Variants in RFTN2 observed in about 807,000 individuals in gnomAD.
The protein encoded by RFTN2 is raftlin family member 2.
A neutral mutation model predicts 52.7 loss-of-function variants in RFTN2; 34 were observed. The observed-to-expected ratio is 0.64, with a 90% CI of 0.49 to 0.86. RFTN2 has a LOEUF of 0.86. RFTN2 is among the 40% of genes least tolerant of loss of function. RFTN2 has a pLI of 0.00. For missense variants in RFTN2, 536 were observed against 600.1 expected, an observed-to-expected ratio of 0.89 and a Z score of 1.12; for synonymous variants, 203 against 217.7, an observed-to-expected ratio of 0.93 and a Z score of 0.59.
At chr2:197,641,232 C>G (rs2088668583) in intron 3 of RFTN2, among the ~76,000 whole-genome samples, 3 of 152,222 alleles carry the variant, frequency 2.0e-5, no homozygotes, top group South Asian at 4.1e-4. Flanking sequence ...TTAATTCACT[C>G]AGCTCCAGCT....
At chr2:197,654,167 C>T (rs956365014) in intron 1 of RFTN2, among the ~76,000 whole-genome samples, 1 of 152,058 alleles carries the variant, frequency 6.6e-6, no homozygotes, top group African/African-American at 2.4e-5. Context: ...GTGGGCGGAT[C>T]ACTTGAGGCC....
chr2:197,616,162 G>A (rs1478944847), intron 6 of RFTN2, among the ~76,000 whole-genome samples, 183 bp from the exon 7 acceptor site: 1 of 152,114 alleles, frequency 6.6e-6, no homozygotes, highest in Non-Finnish European at 1.5e-5. Flanking sequence ...CACTAGTAAT[G>A]GAGAGAGGTT....
At chr2:197,618,814 C>T (rs1274441017) in intron 5 of RFTN2, among the ~76,000 whole-genome samples, 9 of 148,884 alleles carry the variant, frequency 6.0e-5, no homozygotes, top group African/African-American at 2.0e-4. Flanking sequence ...GCCTGGCAAC[C>T]GCCCCGTCTG....
At chr2:197,621,721 C>T (rs901746090) in intron 5 of RFTN2, among the ~76,000 whole-genome samples, 3 of 152,000 alleles carry the variant, frequency 2.0e-5, no homozygotes, top group Non-Finnish European at 2.9e-5. Flanking sequence ...TCCCTCTTCT[C>T]GAGGCCCCCA....
chr2:197,657,048 A>G (rs1480322773), intron 1 of RFTN2, among the ~76,000 whole-genome samples: 4 of 151,984 alleles, frequency 2.6e-5, no homozygotes, highest in Non-Finnish European at 4.4e-5. Flanking sequence ...TTTTTTTGGT[A>G]GAGATGGGGT....
chr2:197,589,145 T>C (rs188790672), intron 8 of RFTN2, among the ~76,000 whole-genome samples: 2 of 131,430 alleles, frequency 1.5e-5, no homozygotes, highest in East Asian at 4.8e-4. Flanking sequence ...TTGCTTGAAC[T>C]GGAGAGGCGG....
chr2:197,617,353 T>A (rs911954133), intron 6 of RFTN2, among the ~76,000 whole-genome samples: 1 of 152,190 alleles, frequency 6.6e-6, no homozygotes, highest in African/African-American at 2.4e-5. Context: ...CAAATTACCT[T>A]TTCACAAATC....
chr2:197,582,191 ACT>A (rs2087521659), intron 8 of RFTN2, among the ~76,000 whole-genome samples: 1 of 151,732 alleles, frequency 6.6e-6, no homozygotes, highest in South Asian at 2.1e-4. Context: ...TGCTCAACTC[ACT>A]CTCTACAGTT....
chr2:197,568,705 G>C lies in RFTN2; in HGVS notation c.*3303C>G, dbSNP rs1235148584. 1 of 152,134 alleles carries C rather than the reference G, an allele frequency of 6.6e-6. No homozygotes were observed. The highest frequency in any genetic ancestry group is 1.5e-5 in the Non-Finnish European group (1 of 68,006). 9.4% of individuals were successfully genotyped at this position (152,134 alleles called of 1,614,324 possible). ...CAGTACTACTCTGGGGCTCTGAAGA[G>C]TTAAGAGAAAGAAATCCTCTTTAGC... On this transcript the variant is annotated 3_prime_UTR_variant, in exon 9 of 9. Transcript: ENST00000295049.
At chr2:197,620,047 G>A (rs1574713676) in intron 5 of RFTN2, among the ~76,000 whole-genome samples, 1 of 151,774 alleles carries the variant, frequency 6.6e-6, no homozygotes, top group Non-Finnish European at 1.5e-5. Context: ...TACGTTGTAT[G>A]CATGTTAATT....
chr2:197,638,699 C>T, intron 3 of RFTN2, among the ~76,000 whole-genome samples: 1 of 146,154 alleles, frequency 6.8e-6, no homozygotes. Context: ...ATCCAATTTG[C>T]CAGTCTGTGT....
chr2:197,598,387 A>G (rs1054871481), intron 7 of RFTN2, among the ~76,000 whole-genome samples: 1 of 152,210 alleles, frequency 6.6e-6, no homozygotes, highest in Non-Finnish European at 1.5e-5. Context: ...AATGCAGAAG[A>G]GACCTTCTGG....
chr2:197,618,805 C>T (rs1340871871), intron 5 of RFTN2, among the ~76,000 whole-genome samples: 2 of 151,334 alleles, frequency 1.3e-5, no homozygotes. Context: ...AGACCTTCTG[C>T]CTGGCAACCG....
At chr2:197,653,456 C>G (rs1431664975) in intron 1 of RFTN2, among the ~76,000 whole-genome samples, 2 of 151,850 alleles carry the variant, frequency 1.3e-5, no homozygotes, top group Admixed American at 1.3e-4. Flanking sequence ...CAATGGAAGA[C>G]TCAGTTACCC....
intron 1 of RFTN2, among the ~76,000 whole-genome samples, chr2:197,669,904 C>G (rs987921241): frequency 1.3e-5 from 2 of 152,188 alleles, no homozygotes; most frequent in Non-Finnish European, 2.9e-5. Context: ...CCGTAATACC[C>G]TGATTTTTAT....
intron 4 of RFTN2, among the ~76,000 whole-genome samples, chr2:197,633,413 T>C (rs1484778084): frequency 1.3e-5 from 2 of 152,194 alleles, no homozygotes; most frequent in African/African-American, 4.8e-5. Context: ...GACTCACTTA[T>C]TTGGTACACA....
At chr2:197,639,695 G>A (rs1200074736) in intron 3 of RFTN2, among the ~76,000 whole-genome samples, 7 of 121,938 alleles carry the variant, frequency 5.7e-5, no homozygotes, top group Non-Finnish European at 1.0e-4. Context: ...ATGTCCTCCC[G>A]TAGCTCAGAG....
chr2:197,593,797 G>A (rs1244095900), intron 8 of RFTN2, among the ~76,000 whole-genome samples: 2 of 149,680 alleles, frequency 1.3e-5, no homozygotes, highest in Non-Finnish European at 3.0e-5. Context: ...TGAGGCAGGA[G>A]AATCACTTAA....
intron 1 of RFTN2, among the ~76,000 whole-genome samples, chr2:197,655,606 A>G (rs1457540877): frequency 2.0e-5 from 3 of 152,190 alleles, no homozygotes; most frequent in Non-Finnish European, 4.4e-5. Flanking sequence ...CAGGCAGATC[A>G]CGAGGTCAAG....
Sources: gnomAD v4.1 joint callset for allele counts (sites outside exome capture counted in the v4.1 genomes callset) on GRCh38, gnomAD v4.1.1 for gene constraint, MANE v1.5 for transcripts, NCBI Gene and HGNC (gene_info 2026-07-23, HGNC 2026-07-21) for gene names.